The following PPA2 variants were observed in gnomAD, a reference collection of about 807,000 sequenced individuals.
The protein encoded by PPA2 is inorganic pyrophosphatase 2.
In PPA2, 48 loss-of-function variants were observed where a neutral mutation model predicts 49.5. The observed-to-expected ratio is 0.97, with a 90% confidence interval of 0.77 to 1.23. The LOEUF is 1.23. PPA2 is among the 50% of genes most tolerant of loss of function. The pLI is 0.00. For synonymous variants in PPA2, 131 were observed against 139.9 expected (o/e 0.94, Z 0.45); for missense variants, 429 against 410.1 (o/e 1.05, Z -0.40).
chr4:105,422,388 T>C lies in PPA2; in HGVS notation c.655+1808A>G, dbSNP rs375714133. ...GCATATCTCTTCATAAAAGCAAATA[T>C]GAAAGGAATTTAGAAAGGTGTCCAA... On this transcript the variant is annotated intron_variant, in intron 7 of 11. Coordinates refer to ENST00000341695, the MANE Select transcript of PPA2 (RefSeq NM_176869.3). 1.7e-4 allele frequency among the ~76,000 whole-genome samples: 26 copies of C among 152,288 alleles called. No homozygotes were observed. In the East Asian group the frequency reaches 1.9e-3, roughly 11 times the overall value.
chr4:105,449,036 G>C (rs1722541033), intron 4 of PPA2, among the ~76,000 whole-genome samples: 1 of 128,238 alleles, frequency 7.8e-6, no homozygotes, highest in Non-Finnish European at 1.6e-5. Context: ...GGCTAAAACG[G>C]TGAAACCCCG....
chr4:105,399,395 C>A, intron 7 of PPA2: 1 of 338,258 alleles, frequency 3.0e-6, no homozygotes, highest in Non-Finnish European at 5.3e-6. Context: ...TACAAAGCAT[C>A]TTCAGACAAT....
chr4:105,446,348 A>G, intron 5 of PPA2, 35 bp downstream of exon 5: 1 of 1,524,526 alleles, frequency 6.6e-7, no homozygotes, highest in Non-Finnish European at 8.8e-7. Flanking sequence ...TTTTCAGAAG[A>G]CAGGAACATT....
chr4:105,415,281 C>G lies in PPA2; in HGVS notation c.655+8915G>C, dbSNP rs568156104. ...CCTCCCGCTATCTATACATCATCCA[C>G]TGTACCCAGGCTGTTTGTGCCAAGC... On this transcript the variant is annotated intron_variant, in intron 7 of 11. Transcript: ENST00000341695. Among the ~76,000 whole-genome samples, 7 of 152,362 alleles carry G rather than the reference C, an allele frequency of 4.6e-5. No individual in the cohort carries two copies. In the South Asian group the frequency reaches 1.0e-3, roughly 23 times the overall value.
chr4:105,469,463 T>C (rs1002095536), intron 1 of PPA2, among the ~76,000 whole-genome samples: 4 of 152,232 alleles, frequency 2.6e-5, no homozygotes, highest in African/African-American at 9.6e-5. Context: ...TACCTAATTT[T>C]ATGTATCTAT....
chr4:105,394,621 A>G (rs1450167030), intron 9 of PPA2, among the ~76,000 whole-genome samples: 1 of 152,206 alleles, frequency 6.6e-6, no homozygotes, highest in Non-Finnish European at 1.5e-5. Flanking sequence ...TGTTAATGTA[A>G]TCCTTATCAT....
At chr4:105,373,882 C>A (rs1451577746) in intron 10 of PPA2, among the ~76,000 whole-genome samples, 2 of 151,836 alleles carry the variant, frequency 1.3e-5, no homozygotes, top group East Asian at 3.9e-4. Flanking sequence ...GAGAAACTGT[C>A]ATTTAAATTT....
chr4:105,397,733 A>T (rs938215093), intron 8 of PPA2, among the ~76,000 whole-genome samples: 4 of 152,142 alleles, frequency 2.6e-5, no homozygotes, highest in African/African-American at 9.7e-5. Context: ...ACTGATTGTT[A>T]AAAAGAGCCT....
In PPA2 at chr4:105,473,968, G is replaced by T. The variant is rs1271090971; in HGVS notation, c.83C>A (p.Ser28Ter). 2 of 1,611,576 alleles carry T rather than the reference G, an allele frequency of 1.2e-6. No homozygotes were observed. The highest frequency in any genetic ancestry group is 1.1e-5 in the South Asian group (1 of 90,812). The change falls in exon 1 of 12, where the codon TCG becomes TAG. Residue 28 changes from serine (S) to a stop codon, truncating the protein, a stop_gained. Coordinates refer to ENST00000341695, the MANE Select transcript of PPA2 (RefSeq NM_176869.3). LOFTEE classifies it high-confidence loss of function. ...GTGGTACAGGGCCATAGCACGGCGCGACCCGGTCCCTGCACTGGTCCCCAA... is the reference window on the plus strand; with the variant it reads ...GTGGTACAGGGCCATAGCACGGCGCTACCCGGTCCCTGCACTGGTCCCCAA... ...LRLGTSAGTG[S>*]RRAMALYHTE... is the part of the protein sequence containing the mutation.
intron 6 of PPA2, among the ~76,000 whole-genome samples, chr4:105,432,849 A>G (rs960891252): frequency 3.9e-5 from 6 of 152,202 alleles, no homozygotes; most frequent in Non-Finnish European, 7.3e-5. Context: ...GACTAGGAAC[A>G]CAGGCTCCAG....
At chr4:105,425,370 GAA>G (rs1207013956) in intron 6 of PPA2, among the ~76,000 whole-genome samples, 1 of 151,518 alleles carries the variant, frequency 6.6e-6, no homozygotes, top group African/African-American at 2.4e-5. Flanking sequence ...GAGAGAAATA[GAA>G]AACAAAAAAA....
In PPA2 at chr4:105,406,195, G is replaced by T. The variant is rs141253441; in HGVS notation, c.656-7031C>A. Among the ~76,000 whole-genome samples, 23 of 145,114 alleles carry T rather than the reference G, an allele frequency of 1.6e-4. No individual in the cohort carries two copies. The East Asian group carries it at 5.3e-3, about 33-fold the overall frequency. ...TAACAGCAGAACGTGGATATGGCAG[G>T]AAAAAAACAAAAAAACAAAAAAACA... On this transcript the variant is annotated intron_variant, in intron 7 of 11. Transcript: ENST00000341695.
At chr4:105,469,537 T>C (rs752770730) in intron 1 of PPA2, among the ~76,000 whole-genome samples, 125 of 152,194 alleles carry the variant, frequency 8.2e-4, no homozygotes, top group Non-Finnish European at 1.1e-3. Context: ...AAACCACTTA[T>C]AGAGATTCTT....
In PPA2 at chr4:105,405,924, G is replaced by A. The variant is rs1722450315; in HGVS notation, c.656-6760C>T. ...AGGCAGGATGACTATGCGATTTATTGTATATACTGGAATATTTCTGAGACC... is the reference window on the plus strand; with the variant it reads ...AGGCAGGATGACTATGCGATTTATTATATATACTGGAATATTTCTGAGACC... On this transcript the variant is annotated intron_variant, in intron 7 of 11. Coordinates refer to ENST00000341695, the MANE Select transcript of PPA2 (RefSeq NM_176869.3). The A allele has an allele frequency of 6.8e-6, 3 of 442,946 alleles. No individual in the cohort carries two copies. The Admixed American group carries it at 7.6e-5, about 11-fold the overall frequency. 27.4% of individuals were successfully genotyped at this position (442,946 alleles called of 1,614,324 possible).
intron 3 of PPA2, among the ~76,000 whole-genome samples, chr4:105,452,711 A>G (rs1722722096): frequency 6.6e-6 from 1 of 152,182 alleles, no homozygotes; most frequent in African/African-American, 2.4e-5. Flanking sequence ...AGGTAAAAGG[A>G]GACAGGAAAG....
In PPA2 at chr4:105,370,828, A is replaced by G; in HGVS notation, c.976+9T>C. Reference sequence around the variant, plus strand: ...CATGTTACTCTTAATGAATCAAAATATACTATACCTTCTTCATTACTTTCT... The same window carrying G: ...CATGTTACTCTTAATGAATCAAAATGTACTATACCTTCTTCATTACTTTCT... On this transcript the variant is annotated intron_variant, in intron 11 of 11. Transcript: ENST00000341695. 2 of 1,453,372 alleles carry G rather than the reference A, an allele frequency of 1.4e-6. No individual in the cohort carries two copies. The highest frequency in any genetic ancestry group is 1.8e-6 in the Non-Finnish European group (2 of 1,084,676). The allele number at this position is 1,453,372 out of a possible 1,614,324, so 90.0% of individuals were successfully genotyped here.
chr4:105,426,983 C>A (rs185127482), intron 6 of PPA2, among the ~76,000 whole-genome samples: 1 of 152,178 alleles, frequency 6.6e-6, no homozygotes, highest in Non-Finnish European at 1.5e-5. Context: ...TAGATAGGTG[C>A]CCCCTCTGGG....
At chr4:105,376,983 A>G (rs1733280945) in intron 10 of PPA2, among the ~76,000 whole-genome samples, 1 of 152,218 alleles carries the variant, frequency 6.6e-6, no homozygotes, top group Non-Finnish European at 1.5e-5. Flanking sequence ...CTCAAAGAGG[A>G]AAGTGCTTAA....
At chr4:105,443,499 C>G (rs1724461290) in intron 5 of PPA2, among the ~76,000 whole-genome samples, 1 of 147,726 alleles carries the variant, frequency 6.8e-6, no homozygotes. Flanking sequence ...ATCCCATAAG[C>G]AATTGGCATG....
Sources: allele counts gnomAD v4.1 joint callset (sites outside exome capture counted in the v4.1 genomes callset), GRCh38; gene constraint gnomAD v4.1.1; transcripts MANE v1.5; gene names NCBI Gene and HGNC (gene_info 2026-07-23, HGNC 2026-07-21).